ADAMTSL1: variants seen among roughly 807,000 people sequenced by gnomAD.
The protein encoded by ADAMTSL1 is ADAMTS like 1, also known as ADAMTS-like protein 1.
ADAMTSL1 carries 126 observed loss-of-function variants against 201.8 expected under a neutral mutation model. That is an observed-to-expected ratio of 0.62 (90% confidence interval 0.54 to 0.72). ADAMTSL1 has a LOEUF of 0.72. ADAMTSL1 is among the 30% of genes least tolerant of loss of function. The pLI is 0.00. For missense variants in ADAMTSL1, 2,679 were observed against 2,277.8 expected, an observed-to-expected ratio of 1.18 and a Z score of -3.59; for synonymous variants, 1,121 against 903.4, an observed-to-expected ratio of 1.24 and a Z score of -4.32.
At position 17,970,711 on chromosome 9, in the gene ADAMTSL1, C is replaced by T. The variant is rs937061016; in HGVS notation, c.87+63789C>T. Among the ~76,000 whole-genome samples the T allele has an allele frequency of 3.9e-5, 6 of 152,116 alleles. No homozygotes were observed. The East Asian group carries it at 7.7e-4, about 20-fold the overall frequency. Reference sequence around the variant, plus strand: ...GGATGTTGTCCCTGGTTCTGCTCCCCCTTGACCCCTTAAATTGGATTAGGC... The same window carrying T: ...GGATGTTGTCCCTGGTTCTGCTCCCTCTTGACCCCTTAAATTGGATTAGGC... On this transcript the variant is annotated intron_variant, in intron 1 of 29. Coordinates refer to the ADAMTSL1 transcript ENST00000680146.
intron 1 of ADAMTSL1, among the ~76,000 whole-genome samples, chr9:18,075,562 A>G (rs1201494052): frequency 6.6e-6 from 1 of 152,246 alleles, no homozygotes; most frequent in Non-Finnish European, 1.5e-5. Flanking sequence ...TTTATAGCAC[A>G]CTAAAATCAT....
At chr9:17,944,298 C>T (rs1397838110) in intron 1 of ADAMTSL1, among the ~76,000 whole-genome samples, 1 of 152,048 alleles carries the variant, frequency 6.6e-6, no homozygotes, top group African/African-American at 2.4e-5. Context: ...CAAACCACTG[C>T]TCAATGAAAT....
At chr9:18,883,898 A>G (rs987181831) in intron 23 of ADAMTSL1, among the ~76,000 whole-genome samples, 4 of 152,144 alleles carry the variant, frequency 2.6e-5, no homozygotes, top group African/African-American at 9.7e-5. Context: ...ATATCTTTTA[A>G]AGTTCCTGCT....
At chr9:18,061,667 T>G (rs1453198273) in intron 1 of ADAMTSL1, among the ~76,000 whole-genome samples, 1 of 152,200 alleles carries the variant, frequency 6.6e-6, no homozygotes, top group African/African-American at 2.4e-5. Flanking sequence ...GCAGTATAAA[T>G]ATAGCATTCA....
chr9:18,640,517 G>A (rs1221856239), intron 7 of ADAMTSL1, among the ~76,000 whole-genome samples: 1 of 151,962 alleles, frequency 6.6e-6, no homozygotes, highest in African/African-American at 2.4e-5. Flanking sequence ...TGCTTACATT[G>A]GAACAGCTCA....
chr9:18,143,708 A>C (rs576842053), intron 1 of ADAMTSL1, among the ~76,000 whole-genome samples: 1 of 152,100 alleles, frequency 6.6e-6, no homozygotes, highest in Non-Finnish European at 1.5e-5. Flanking sequence ...AGTGCAAATC[A>C]CCTTTTGTTT....
At chr9:18,743,684 G>A (rs1818972308) in intron 15 of ADAMTSL1, among the ~76,000 whole-genome samples, 1 of 152,138 alleles carries the variant, frequency 6.6e-6, no homozygotes, top group Non-Finnish European at 1.5e-5. Flanking sequence ...AGCCGTGCAA[G>A]TTACTGTTTG....
At chr9:18,068,814 A>T (rs541349702) in intron 1 of ADAMTSL1, among the ~76,000 whole-genome samples, 1 of 152,366 alleles carries the variant, frequency 6.6e-6, no homozygotes, top group South Asian at 2.1e-4. Flanking sequence ...CAAGAAGCTC[A>T]CATTCTGACA....
intron 13 of ADAMTSL1, among the ~76,000 whole-genome samples, chr9:18,704,698 T>A (rs1056279611): frequency 1.3e-5 from 2 of 152,242 alleles, no homozygotes; most frequent in African/African-American, 4.8e-5. Context: ...TTTTTGGTTT[T>A]ATGTTCCTAA....
At chr9:18,901,166 A>T (rs1437338464) in intron 26 of ADAMTSL1, among the ~76,000 whole-genome samples, 1 of 152,076 alleles carries the variant, frequency 6.6e-6, no homozygotes, top group African/African-American at 2.4e-5. Flanking sequence ...AAAAAGAAAA[A>T]TTATAAAGTA....
chr9:18,826,674 G>T (rs1314692377), intron 22 of ADAMTSL1, among the ~76,000 whole-genome samples: 1 of 152,184 alleles, frequency 6.6e-6, no homozygotes, highest in Non-Finnish European at 1.5e-5. Context: ...TTTACTAACT[G>T]CCTGGCATTG....
chr9:18,042,194 G>A (rs1430572276), intron 1 of ADAMTSL1, among the ~76,000 whole-genome samples: 1 of 151,930 alleles, frequency 6.6e-6, no homozygotes, highest in East Asian at 1.9e-4. Context: ...CTTAAGTGAT[G>A]TACAAATTAT....
At chr9:18,723,112 T>C in intron 15 of ADAMTSL1, 1 of 770,138 alleles carries the variant, frequency 1.3e-6, no homozygotes. Context: ...ACTAGCTCTG[T>C]GGCCTAGGGC....
intron 1 of ADAMTSL1, among the ~76,000 whole-genome samples, chr9:17,963,875 T>C (rs1272527397): frequency 6.6e-6 from 1 of 152,134 alleles, no homozygotes; most frequent in African/African-American, 2.4e-5. Context: ...AAAAACGGAA[T>C]CCTCAGTGAC....
At chr9:18,855,572 G>A (rs1453868313) in intron 23 of ADAMTSL1, among the ~76,000 whole-genome samples, 1 of 152,172 alleles carries the variant, frequency 6.6e-6, no homozygotes, top group Non-Finnish European at 1.5e-5. Context: ...GTCTATATCT[G>A]TTTAAGAGTT....
chr9:18,318,475 T>G (rs901959798), intron 2 of ADAMTSL1, among the ~76,000 whole-genome samples: 8 of 152,192 alleles, frequency 5.3e-5, no homozygotes, highest in African/African-American at 1.9e-4. Context: ...CAGCAAGCCT[T>G]TCAGAAAATC....
chr9:18,071,283 T>G (rs970696779), intron 1 of ADAMTSL1, among the ~76,000 whole-genome samples: 3 of 152,182 alleles, frequency 2.0e-5, no homozygotes, highest in Non-Finnish European at 4.4e-5. Context: ...AAAGGTTTGG[T>G]CACTTCAGAG....
chr9:18,774,294 C>A (rs7034997), intron 17 of ADAMTSL1, among the ~76,000 whole-genome samples: 5,390 of 152,156 alleles, frequency 0.035, 220 homozygotes, highest in African/African-American at 0.095. Context: ...GGACCAATTA[C>A]AAACCTCTTG....
At chr9:18,251,662 G>C (rs1173407200) in intron 2 of ADAMTSL1, among the ~76,000 whole-genome samples, 1 of 152,162 alleles carries the variant, frequency 6.6e-6, no homozygotes, top group African/African-American at 2.4e-5. Context: ...CAAGACCCAA[G>C]AAAGTCCTGG....
Sources: gnomAD v4.1 joint callset for allele counts (sites outside exome capture counted in the v4.1 genomes callset) on GRCh38, gnomAD v4.1.1 for gene constraint, MANE v1.5 for transcripts, NCBI Gene and HGNC (gene_info 2026-07-23, HGNC 2026-07-21) for gene names.